The following PDCD11 variants were observed in gnomAD, a reference collection of about 807,000 sequenced individuals.
PDCD11 encodes protein RRP5 homolog.
PDCD11 carries 97 observed loss-of-function variants against 198.9 expected under a neutral mutation model. That is an observed-to-expected ratio of 0.49 (90% confidence interval 0.41 to 0.58). PDCD11 has a LOEUF of 0.58. Ranked by LOEUF, PDCD11 falls within the 20% of genes least tolerant of loss-of-function variation. The pLI is 0.00. For missense variants in PDCD11, 2,102 were observed against 2,312.7 expected (o/e 0.91, Z 1.87); for synonymous variants, 893 against 918.0 (o/e 0.97, Z 0.49).
chr10:103,406,860 T>C, intron 7 of PDCD11, 70 bp downstream of exon 7: 1 of 1,269,828 alleles, frequency 7.9e-7, no homozygotes, highest in East Asian at 2.6e-5. Context: ...ATGCATAAAG[T>C]CTAAAACTAC....
intron 3 of PDCD11, among the ~76,000 whole-genome samples, chr10:103,401,453 T>C (rs2030046811): frequency 6.6e-6 from 1 of 151,974 alleles, no homozygotes; most frequent in Non-Finnish European, 1.5e-5. Flanking sequence ...GTATTTTTAA[T>C]AGAGACGGGG....
chr10:103,438,029 C>T lies in PDCD11; in HGVS notation c.3860C>T (p.Ser1287Phe), dbSNP rs760309945. The change falls in exon 26 of 36, where the codon TCC becomes TTC. Residue 1287 changes from serine to phenylalanine, a missense_variant. Transcript: ENST00000369797. ...CCTTCATTCAGATGTTACATCCTGTCCACTGCAGACAACGTATTGACTTTG... is the reference window on the plus strand; with the variant it reads ...CCTTCATTCAGATGTTACATCCTGTTCACTGCAGACAACGTATTGACTTTG... ...PQKVVRCYIL[S>F]TADNVLTLSL... 1.2e-5 allele frequency: 20 copies of T among 1,613,338 alleles called. 1 individual carries two copies. The East Asian group carries it at 4.2e-4, about 34-fold the overall frequency.
intron 25 of PDCD11, among the ~76,000 whole-genome samples, chr10:103,435,735 A>G (rs1010232090): frequency 3.3e-5 from 5 of 152,106 alleles, no homozygotes; most frequent in African/African-American, 1.2e-4. Flanking sequence ...TTGGTCTCGA[A>G]CTCCTGACCT....
intron 10 of PDCD11, 76 bp from the exon 11 acceptor site, chr10:103,414,194 C>G (rs142854043): frequency 4.4e-6 from 7 of 1,574,746 alleles, no homozygotes; most frequent in South Asian, 1.1e-5. Flanking sequence ...TTCTTGCCAG[C>G]ATGCCTGTGG....
At chr10:103,413,050 G>C in intron 8 of PDCD11, 66 bp from the exon 9 acceptor site, 1 of 1,245,190 alleles carries the variant, frequency 8.0e-7, no homozygotes, top group South Asian at 1.2e-5. Context: ...CTTGATGCCT[G>C]GAAGGTCTGC....
At chr10:103,442,035 GCTCTGTTCCTA>G in intron 31 of PDCD11, 60 bp downstream of exon 31, 2 of 1,600,444 alleles carry the variant, frequency 1.2e-6, no homozygotes, top group South Asian at 2.2e-5. Context: ...AGTCTCTTGT[GCTCTGTTCCTA>G]GACTGGGTGT....
At chr10:103,403,782 G>C (rs943985312) in intron 4 of PDCD11, among the ~76,000 whole-genome samples, 1 of 152,198 alleles carries the variant, frequency 6.6e-6, no homozygotes, top group South Asian at 2.1e-4. Context: ...AGTCGTTCAC[G>C]TCCTGAGATT....
At chr10:103,415,955 G>A (rs1338590063) in intron 12 of PDCD11, among the ~76,000 whole-genome samples, 2 of 152,194 alleles carry the variant, frequency 1.3e-5, no homozygotes, top group East Asian at 1.9e-4. Context: ...TTATCTCATC[G>A]TTATTGACTC....
intron 19 of PDCD11, among the ~76,000 whole-genome samples, chr10:103,424,076 T>A (rs1299923093): frequency 6.6e-6 from 1 of 152,188 alleles, no homozygotes; most frequent in Non-Finnish European, 1.5e-5. Flanking sequence ...AGGCAGAATT[T>A]GGATTTTTAT....
chr10:103,412,231 G>A (rs2030844130), intron 8 of PDCD11, among the ~76,000 whole-genome samples: 1 of 151,948 alleles, frequency 6.6e-6, no homozygotes, highest in African/African-American at 2.4e-5. Flanking sequence ...CACAGTGTTG[G>A]CTCACTGCAA....
chr10:103,401,985 G>A (rs1017099770), intron 3 of PDCD11, among the ~76,000 whole-genome samples: 3 of 152,030 alleles, frequency 2.0e-5, no homozygotes, highest in Admixed American at 1.3e-4. Context: ...CTTGTAATCT[G>A]CCCGCCTCCG....
In PDCD11 at chr10:103,422,835, A is replaced by G. The variant is rs1477157852; in HGVS notation, c.2498-153A>G. Among the ~76,000 whole-genome samples the G allele has an allele frequency of 6.6e-5, 10 of 152,198 alleles. No individual in the cohort carries two copies. In the East Asian group the frequency reaches 1.9e-3, roughly 29 times the overall value. On this transcript the variant is annotated intron_variant, in intron 17 of 35. Transcript: ENST00000369797. ...CTGTCTGCTTGTGACAAGAGTTTTC[A>G]TGGATACTGAACATTTTTGCAAAAA...
rs2029966872 is a variant in PDCD11 at position 103,400,550 on chromosome 10, T to C, written c.234+22T>C. On this transcript the variant is annotated intron_variant, in intron 3 of 35. Transcript: ENST00000369797. ...TGAGGTTTGTTAAAGTTGGTTTTCA[T>C]TTAAACAATCGACCTTGGTTGCTTA... The C allele has an allele frequency of 1.9e-6, 3 of 1,603,906 alleles. No individual in the cohort carries two copies. The East Asian group carries it at 6.7e-5, about 36-fold the overall frequency.
Position 103,422,971 on chromosome 10 carries a change from C to G in PDCD11, c.2498-17C>G, listed in dbSNP as rs1237761384. Reference sequence around the variant, plus strand: ...CTTTCATGGTACTAATCCGTGTTTCCTTTGGATCTCTGGCAGACTCTGTGT... The same window carrying G: ...CTTTCATGGTACTAATCCGTGTTTCGTTTGGATCTCTGGCAGACTCTGTGT... On this transcript the variant is annotated splice_polypyrimidine_tract_variant and intron_variant, in intron 17 of 35. Coordinates refer to ENST00000369797, the MANE Select transcript of PDCD11 (RefSeq NM_014976.2). 2 of 1,480,204 alleles carry G rather than the reference C, an allele frequency of 1.4e-6. No homozygotes were observed. The highest frequency in any genetic ancestry group is 1.8e-6 in the Non-Finnish European group (2 of 1,111,950). 91.7% of individuals were successfully genotyped at this position (1,480,204 alleles called of 1,614,324 possible). A position where few individuals can be genotyped will look rare whatever the true frequency, so the allele number is the denominator to read the frequency against.
intron 27 of PDCD11, among the ~76,000 whole-genome samples, chr10:103,439,167 C>T (rs2032275803): frequency 6.6e-6 from 1 of 151,956 alleles, no homozygotes; most frequent in Admixed American, 6.6e-5. Context: ...AGCAAGACCC[C>T]CATGTCTCCA....
intron 2 of PDCD11, among the ~76,000 whole-genome samples, chr10:103,400,056 CTG>C (rs2029913478): frequency 6.6e-6 from 1 of 152,110 alleles, no homozygotes; most frequent in Non-Finnish European, 1.5e-5. Flanking sequence ...TAACTTGGGT[CTG>C]TGTAACTCTG....
chr10:103,443,963 A>C lies in PDCD11; in HGVS notation c.5173A>C (p.Lys1725Gln). ...GATGCTGAAGCGTTTCCGGCAGGAG[A>C]AAGCTGTGTGGATCAAATACGGCGC... Reference protein sequence around the residue: ...NRMLKRFRQEKAVWIKYGAFL... With the variant: ...NRMLKRFRQEQAVWIKYGAFL... The change falls in exon 34 of 36, where the codon AAA becomes CAA. Residue 1725 changes from lysine to glutamine, a missense_variant. Physicochemically the swap from Lys to Gln is moderately conservative, Grantham distance 53. Transcript: ENST00000369797. The C allele has an allele frequency of 6.2e-7, 1 of 1,614,078 alleles. No homozygotes were observed. Among genetic ancestry groups the C allele is most frequent in the Non-Finnish European group, 8.5e-7 (1 of 1,180,010 alleles).
chr10:103,398,680 A>G, intron 2 of PDCD11, 152 bp downstream of exon 2: 1 of 633,542 alleles, frequency 1.6e-6, no homozygotes, highest in Non-Finnish European at 2.8e-6. Context: ...GAGAGGCCAT[A>G]CCACCACAAG....
chr10:103,415,811 A>C (rs1256669120), intron 12 of PDCD11, among the ~76,000 whole-genome samples: 3 of 152,230 alleles, frequency 2.0e-5, no homozygotes, highest in Non-Finnish European at 4.4e-5. Flanking sequence ...AAAGCTGCCA[A>C]AACATGGGTG....
Sources: gnomAD v4.1 joint callset for allele counts (sites outside exome capture counted in the v4.1 genomes callset) on GRCh38, gnomAD v4.1.1 for gene constraint, MANE v1.5 for transcripts, NCBI Gene and HGNC (gene_info 2026-07-23, HGNC 2026-07-21) for gene names.